KCNQ5: variants seen among roughly 807,000 people sequenced by gnomAD.
The protein encoded by KCNQ5 is potassium voltage-gated channel subfamily Q member 5.
A neutral mutation model predicts 98.2 loss-of-function variants in KCNQ5; 30 were observed. The observed-to-expected ratio is 0.31, with a 90% CI of 0.23 to 0.41. The LOEUF is 0.41. Among genes scored for constraint, KCNQ5 ranks in the 10% least tolerant of loss-of-function variants. KCNQ5 has a pLI of 1.00. For missense variants in KCNQ5, 835 were observed against 1,182.5 expected (o/e 0.71, Z 4.31); for synonymous variants, 458 against 449.4 (o/e 1.02, Z -0.24).
In KCNQ5 at chr6:72,622,146, G is replaced by A; in HGVS notation, c.-44G>A. 8.3e-7 allele frequency: 1 copy of A among 1,211,732 alleles called. No homozygotes were observed. Among genetic ancestry groups the A allele is most frequent in the Non-Finnish European group, 1.0e-6 (1 of 974,730 alleles). 75.1% of individuals were successfully genotyped at this position (1,211,732 alleles called of 1,614,324 possible). The stretch of plus-strand genomic sequence containing the variant: ...CGGCGCACATGAGGCCGCTGCCCCC[G>A]CCGCAGGCGCTGGCGGCCCCCTCGC... On this transcript the variant is annotated 5_prime_UTR_variant, in exon 1 of 14. Transcript: ENST00000370398. The surrounding 1 kb of genome is among the most constrained non-coding windows in gnomAD (Gnocchi z 6.0).
At chr6:73,186,449 C>A (rs1778575160) in intron 11 of KCNQ5, among the ~76,000 whole-genome samples, 1 of 152,182 alleles carries the variant, frequency 6.6e-6, no homozygotes, top group African/African-American at 2.4e-5. Flanking sequence ...CAGTAATGCA[C>A]TGGTAAATGC....
intron 3 of KCNQ5, chr6:73,055,557 A>C (rs571519624): frequency 7.0e-7 from 1 of 1,438,486 alleles, no homozygotes; most frequent in East Asian, 2.3e-5. Context: ...GAGAGTCTGA[A>C]GGACACTATT....
intron 1 of KCNQ5, among the ~76,000 whole-genome samples, chr6:72,860,191 C>T (rs1777705626): frequency 6.6e-6 from 1 of 152,148 alleles, no homozygotes; most frequent in South Asian, 2.1e-4. Flanking sequence ...GTCACAAGCA[C>T]GATGACACTT....
intron 7 of KCNQ5, among the ~76,000 whole-genome samples, chr6:73,113,560 G>A (rs1408843462): frequency 6.6e-6 from 1 of 152,226 alleles, no homozygotes; most frequent in Non-Finnish European, 1.5e-5. Flanking sequence ...AATAGCTACA[G>A]GTGGCTATCG....
chr6:73,042,309 G>C (rs1189972088), intron 3 of KCNQ5: 11 of 501,024 alleles, frequency 2.2e-5, no homozygotes, highest in Non-Finnish European at 2.2e-5. Context: ...GGAGTTAGTT[G>C]CTGAATGTCA....
At chr6:73,042,648 C>T (rs1044140876) in intron 3 of KCNQ5, among the ~76,000 whole-genome samples, 11 of 152,048 alleles carry the variant, frequency 7.2e-5, no homozygotes, top group African/African-American at 2.2e-4. Context: ...AAATATGAAT[C>T]CCCCACCCTC....
At chr6:72,813,048 A>G (rs1420941543) in intron 1 of KCNQ5, among the ~76,000 whole-genome samples, 9 of 152,128 alleles carry the variant, frequency 5.9e-5, no homozygotes, top group Non-Finnish European at 1.2e-4. Context: ...TTCCTGGTGA[A>G]CATGCATTAG....
At chr6:72,672,138 A>G (rs1161243417) in intron 1 of KCNQ5, among the ~76,000 whole-genome samples, 1 of 134,312 alleles carries the variant, frequency 7.4e-6, no homozygotes, top group African/African-American at 2.8e-5. Context: ...TTTTTTTGAG[A>G]CAGAGTCTAC....
intron 1 of KCNQ5, among the ~76,000 whole-genome samples, chr6:72,727,430 A>G (rs950623732): frequency 3.9e-5 from 6 of 152,244 alleles, no homozygotes; most frequent in Non-Finnish European, 5.9e-5. Context: ...TGAAAATTCA[A>G]TGATGGCATT....
At chr6:73,044,238 C>A (rs995394000) in intron 3 of KCNQ5, among the ~76,000 whole-genome samples, 8 of 152,206 alleles carry the variant, frequency 5.3e-5, no homozygotes, top group African/African-American at 1.9e-4. Context: ...CATGTTCCTG[C>A]CACTACACTC....
At chr6:72,959,265 G>A (rs1007112074) in intron 1 of KCNQ5, among the ~76,000 whole-genome samples, 1 of 152,174 alleles carries the variant, frequency 6.6e-6, no homozygotes, top group African/African-American at 2.4e-5. Context: ...TCTGCCCAGG[G>A]CCTTTTGGGC....
intron 1 of KCNQ5, among the ~76,000 whole-genome samples, chr6:72,830,217 G>T (rs1365808226): frequency 6.6e-6 from 1 of 152,096 alleles, no homozygotes; most frequent in Non-Finnish European, 1.5e-5. Flanking sequence ...TTTCTTCACA[G>T]AATTGGAAAA....
At chr6:72,775,814 T>A (rs1334869647) in intron 1 of KCNQ5, among the ~76,000 whole-genome samples, 1 of 152,108 alleles carries the variant, frequency 6.6e-6, no homozygotes, top group East Asian at 1.9e-4. Context: ...TCTGTACTCC[T>A]CAAAACTGTC....
chr6:73,002,436 G>A (rs1769622865), intron 1 of KCNQ5, among the ~76,000 whole-genome samples: 1 of 152,160 alleles, frequency 6.6e-6, no homozygotes, highest in Non-Finnish European at 1.5e-5. Flanking sequence ...GTAAAATGGG[G>A]ATTATAATAA....
chr6:72,696,459 G>A (rs765532117), intron 1 of KCNQ5, among the ~76,000 whole-genome samples: 14 of 152,088 alleles, frequency 9.2e-5, no homozygotes, highest in Admixed American at 2.6e-4. Context: ...TTTTAAATGA[G>A]TGTATTAGGC....
intron 1 of KCNQ5, among the ~76,000 whole-genome samples, chr6:72,744,388 T>A (rs914835467): frequency 2.0e-5 from 3 of 152,258 alleles, no homozygotes; most frequent in Non-Finnish European, 4.4e-5. Flanking sequence ...GCCATCTACT[T>A]CTCATCTATT....
intron 1 of KCNQ5, among the ~76,000 whole-genome samples, chr6:72,890,146 T>A (rs1408805797): frequency 6.6e-6 from 1 of 152,250 alleles, no homozygotes; most frequent in East Asian, 1.9e-4. Flanking sequence ...ATATTTAAAA[T>A]TGCATATATT....
intron 1 of KCNQ5, among the ~76,000 whole-genome samples, chr6:72,766,768 G>A (rs891964477): frequency 1.3e-5 from 2 of 152,044 alleles, no homozygotes; most frequent in East Asian, 2.0e-4. Flanking sequence ...ATAAGGGAAG[G>A]TTGGGGATCA....
chr6:72,786,729 G>A (rs182402136), intron 1 of KCNQ5, among the ~76,000 whole-genome samples: 11 of 152,076 alleles, frequency 7.2e-5, no homozygotes, highest in Admixed American at 2.0e-4. Flanking sequence ...ATCCTGGGCC[G>A]GGCGCGGTGG....
Sources: allele counts gnomAD v4.1 joint callset (sites outside exome capture counted in the v4.1 genomes callset), GRCh38; gene constraint gnomAD v4.1.1; non-coding constraint Gnocchi (gnomAD v3.1); transcripts MANE v1.5; gene names NCBI Gene and HGNC (gene_info 2026-07-23, HGNC 2026-07-21).